RBM19: variants seen among roughly 807,000 people sequenced by gnomAD.
RBM19 encodes the protein probable RNA-binding protein 19.
RBM19 carries 94 observed loss-of-function variants against 116.8 expected under a neutral mutation model. The observed-to-expected ratio is 0.80, with a 90% CI of 0.68 to 0.95. The LOEUF is 0.95. Among genes scored for constraint, RBM19 ranks in the 40% least tolerant of loss-of-function variants. The probability of loss-of-function intolerance (pLI) is 0.00; values close to 1 mark genes in which losing one functional copy is unlikely to be tolerated. For missense variants in RBM19, 1,161 were observed against 1,220.7 expected (o/e 0.95, Z 0.73); for synonymous variants, 475 against 494.1 (o/e 0.96, Z 0.51).
chr12:113,923,757 G>A (rs368998262), intron 18 of RBM19, among the ~76,000 whole-genome samples: 58 of 152,276 alleles, frequency 3.8e-4, no homozygotes, highest in African/African-American at 1.4e-3. Flanking sequence ...TGTGCTGGAC[G>A]CCTGTCCCTG....
chr12:113,941,989 T>C (rs1036287024), intron 14 of RBM19, among the ~76,000 whole-genome samples: 3 of 152,134 alleles, frequency 2.0e-5, no homozygotes, highest in African/African-American at 7.2e-5. Flanking sequence ...TCTTCCCTGC[T>C]AGGTTCAAGA....
chr12:113,872,885 T>G (rs1593515354), intron 21 of RBM19, among the ~76,000 whole-genome samples: 1 of 96,400 alleles, frequency 1.0e-5, no homozygotes, highest in Non-Finnish European at 2.1e-5. Context: ...GGTGGGGGGG[T>G]CAGCCCCCCG....
At chr12:113,931,367 G>A in intron 16 of RBM19, among the ~76,000 whole-genome samples, 1 of 152,144 alleles carries the variant, frequency 6.6e-6, no homozygotes, top group East Asian at 1.9e-4. Flanking sequence ...CCCTCAGCAT[G>A]GCCTCCCAGG....
Position 113,945,730 on chromosome 12 carries a change from C to A in RBM19, c.1626+98G>T, listed in dbSNP as rs886547271. On this transcript the variant is annotated intron_variant, in intron 13 of 23. Transcript: ENST00000261741. ...GGCCCAAGAGGAAAGCCCTGGCGGC[C>A]CCAGCCTCACAGCCAACAGCAGTAC... is the stretch of plus-strand genomic sequence containing the variant. The A allele has an allele frequency of 7.6e-6, 8 of 1,054,278 alleles. No individual in the cohort carries two copies. The African/African-American group carries it at 1.1e-4, about 15-fold the overall frequency. The allele number at this position is 1,054,278 out of a possible 1,614,324, so 65.3% of individuals were successfully genotyped here.
At chr12:113,912,943 A>T (rs1593574821) in intron 21 of RBM19, among the ~76,000 whole-genome samples, 1 of 152,328 alleles carries the variant, frequency 6.6e-6, no homozygotes, top group Non-Finnish European at 1.5e-5. Flanking sequence ...GTGAACAACA[A>T]TAGCAGGTAC....
chr12:113,864,164 C>T (rs993144843), intron 21 of RBM19, among the ~76,000 whole-genome samples: 4 of 152,184 alleles, frequency 2.6e-5, no homozygotes, highest in Non-Finnish European at 5.9e-5. Context: ...TCAAAGTAGG[C>T]GGTGTGCCCC....
At chr12:113,956,169 G>C (rs1029513422) in intron 6 of RBM19, among the ~76,000 whole-genome samples, 3 of 152,090 alleles carry the variant, frequency 2.0e-5, no homozygotes, top group African/African-American at 7.2e-5. Flanking sequence ...ACAATTTTGG[G>C]GGGGAAGAAA....
At chr12:113,944,189 C>T (rs1366140168) in intron 13 of RBM19, among the ~76,000 whole-genome samples, 1 of 147,486 alleles carries the variant, frequency 6.8e-6, no homozygotes, top group African/African-American at 2.5e-5. Flanking sequence ...AACCTGCCTC[C>T]TGGGTTCAAG....
At chr12:113,867,345 T>C (rs1234303968) in intron 21 of RBM19, among the ~76,000 whole-genome samples, 3 of 152,358 alleles carry the variant, frequency 2.0e-5, no homozygotes, top group East Asian at 1.9e-4. Flanking sequence ...TCAGATACTA[T>C]GGATCCTGCA....
Position 113,959,423 on chromosome 12 carries a change from G to A in RBM19, c.379-19C>T, listed in dbSNP as rs377279903. ...CCTTCAGCTGGTGGCACCAGAACCC[G>A]GGCGGCAGGGACACGGGAAAAAGAG... On this transcript the variant is annotated intron_variant, in intron 4 of 23. Transcript: ENST00000261741. 156 of 1,592,616 alleles carry A rather than the reference G, an allele frequency of 9.8e-5. No homozygotes were observed. Among genetic ancestry groups the A allele is most frequent in the African/African-American group, 9.1e-4 (68 of 74,622 alleles).
intron 20 of RBM19, 46 bp downstream of exon 20, chr12:113,918,346 G>A: frequency 1.9e-6 from 3 of 1,605,544 alleles, no homozygotes; most frequent in Non-Finnish European, 2.6e-6. Flanking sequence ...CCAAGCACAG[G>A]AAGCCCCAGC....
chr12:113,947,498 C>T (rs755161271), intron 10 of RBM19, 34 bp from the exon 11 acceptor site: 1 of 1,568,152 alleles, frequency 6.4e-7, no homozygotes, highest in Non-Finnish European at 8.7e-7. Context: ...CTCTGGTAGG[C>T]CGCAGCCACT....
chr12:113,948,674 C>T (rs904149805), intron 10 of RBM19, among the ~76,000 whole-genome samples, 159 bp downstream of exon 10: 1 of 152,230 alleles, frequency 6.6e-6, no homozygotes, highest in Non-Finnish European at 1.5e-5. Context: ...TGAATCCTCA[C>T]AGCAGCTCAG....
rs1870410420 is a variant in RBM19, at chr12:113,939,984, G to C, written c.1914C>G (p.Ala638=). ...EFLEPLEARK[A]FRHLAYSKFH... ...CCTTGGAATAGGCCAGATGCCTGAAGGCCTTGCGGGCCTCCAGGGGCTCCA... is the reference window on the plus strand; with the variant it reads ...CCTTGGAATAGGCCAGATGCCTGAACGCCTTGCGGGCCTCCAGGGGCTCCA... The change falls in exon 15 of 24, where the codon GCC becomes GCG. Residue 638 remains alanine, a synonymous_variant. Transcript: ENST00000261741. 1 of 1,614,104 alleles carries C rather than the reference G, an allele frequency of 6.2e-7. No individual in the cohort carries two copies. The highest frequency in any genetic ancestry group is 8.5e-7 in the Non-Finnish European group (1 of 1,180,026).
intron 18 of RBM19, among the ~76,000 whole-genome samples, chr12:113,923,624 T>G (rs1190837013): frequency 6.6e-6 from 1 of 152,224 alleles, no homozygotes; most frequent in Non-Finnish European, 1.5e-5. Context: ...ATCTCCTGAC[T>G]CTTCCTCAAC....
chr12:113,844,582 G>A, intron 23 of RBM19, 86 bp downstream of exon 23: 7 of 1,498,864 alleles, frequency 4.7e-6, no homozygotes, highest in Middle Eastern at 1.8e-4. Flanking sequence ...CTGCTGGGTC[G>A]AGGGCAGTTC....
chr12:113,897,159 ACAGT>A (rs1221683982), intron 21 of RBM19, among the ~76,000 whole-genome samples: 4 of 152,146 alleles, frequency 2.6e-5, no homozygotes, highest in East Asian at 1.9e-4. Context: ...GCAGATACTG[ACAGT>A]CAGTGTTTAT....
intron 16 of RBM19, among the ~76,000 whole-genome samples, chr12:113,934,084 T>C (rs1869848302): frequency 6.6e-6 from 1 of 152,208 alleles, no homozygotes; most frequent in Non-Finnish European, 1.5e-5. Context: ...CCTGAGTAGC[T>C]GGGACTACAA....
At chr12:113,870,925 A>G (rs1879159984) in intron 21 of RBM19, among the ~76,000 whole-genome samples, 1 of 152,190 alleles carries the variant, frequency 6.6e-6, no homozygotes, top group African/African-American at 2.4e-5. Flanking sequence ...ACACATCTAC[A>G]TGGTTTCCAG....
Sources: gnomAD v4.1 joint callset for allele counts (sites outside exome capture counted in the v4.1 genomes callset) on GRCh38, gnomAD v4.1.1 for gene constraint, MANE v1.5 for transcripts, NCBI Gene and HGNC (gene_info 2026-07-23, HGNC 2026-07-21) for gene names.